KIF13A: variants seen among roughly 807,000 people sequenced by gnomAD.
KIF13A encodes kinesin-like protein KIF13A.
KIF13A carries 79 observed loss-of-function variants against 212.2 expected under a neutral mutation model. The observed-to-expected ratio is 0.37, with a 90% CI of 0.31 to 0.45. The LOEUF (loss-of-function observed/expected upper bound fraction) is 0.45, where lower values mean the gene tolerates loss of function less well. KIF13A is among the 20% of genes least tolerant of loss of function. KIF13A has a pLI of 1.00. For synonymous variants in KIF13A, 789 were observed against 808.6 expected (o/e 0.98, Z 0.41); for missense variants, 1,901 against 2,209.0 (o/e 0.86, Z 2.79).
Position 17,915,148 on chromosome 6 carries a change from C to T in KIF13A, c.147-16968G>A, listed in dbSNP as rs1010292896. Among the ~76,000 whole-genome samples, 19 of 152,314 alleles carry T rather than the reference C, an allele frequency of 1.2e-4. No homozygotes were observed. Among genetic ancestry groups the T allele is most frequent in the Middle Eastern group, 3.4e-3 (1 of 294 alleles). On this transcript the variant is annotated intron_variant, in intron 2 of 38. Coordinates refer to ENST00000259711, the MANE Select transcript of KIF13A (RefSeq NM_022113.6). The surrounding 1 kb of genome is among the most constrained non-coding windows in gnomAD (Gnocchi z 4.4). ...ACATTAGGGAGTCAGAACCAAACTT[C>T]ATGCTCCATGTAATAGCTTCAGGGT...
chr6:17,771,591 A>C lies in KIF13A; in HGVS notation c.4476+317T>G, dbSNP rs1443642475. ...AAAACAAAATCAGAAATCCCCAAAA[A>C]GACAAAAAAGAAAAATAATTTTAAA... On this transcript the variant is annotated intron_variant, in intron 37 of 38. Transcript: ENST00000259711. The surrounding 1 kb of genome is among the most constrained non-coding windows in gnomAD (Gnocchi z 5.4). 9.0e-6 allele frequency: 3 copies of C among 332,356 alleles called. No individual in the cohort carries two copies. The highest frequency in any genetic ancestry group is 4.4e-5 in the Admixed American group (1 of 22,786). 20.6% of individuals were successfully genotyped at this position (332,356 alleles called of 1,614,324 possible).
chr6:17,945,595 A>T (rs1002054333), intron 2 of KIF13A, among the ~76,000 whole-genome samples: 3 of 152,244 alleles, frequency 2.0e-5, no homozygotes, highest in African/African-American at 2.4e-5. Context: ...GTTTTTATGT[A>T]AAATTTTTAT....
intron 18 of KIF13A, among the ~76,000 whole-genome samples, chr6:17,808,341 A>T (rs1403335061): frequency 6.6e-6 from 1 of 152,136 alleles, no homozygotes; most frequent in Non-Finnish European, 1.5e-5. Flanking sequence ...AGCTGAGATC[A>T]TGCCATTGCA....
chr6:17,873,230 T>C (rs1194676471), intron 4 of KIF13A, 147 bp downstream of exon 4: 4 of 555,190 alleles, frequency 7.2e-6, no homozygotes, highest in East Asian at 3.2e-5. Flanking sequence ...CCAAATCTTA[T>C]TGACTTCAAA....
At position 17,975,499 on chromosome 6, in the gene KIF13A, G is replaced by A. The variant is rs146906895; in HGVS notation, c.146+11555C>T. 1.9e-4 allele frequency among the ~76,000 whole-genome samples: 29 copies of A among 152,198 alleles called. 1 individual carries two copies. Among genetic ancestry groups the A allele is most frequent in the East Asian group, 1.7e-3 (9 of 5,180 alleles). On this transcript the variant is annotated intron_variant, in intron 2 of 38. Transcript: ENST00000259711. ...GAGCGTTACAGCTTATAAAGACAAT[G>A]TAGGCCCAAAAAGGGAGCAGCAACA...
At chr6:17,873,253 T>C in intron 4 of KIF13A, 124 bp downstream of exon 4, 1 of 627,636 alleles carries the variant, frequency 1.6e-6, no homozygotes, top group South Asian at 2.2e-5. Flanking sequence ...TCATGTGGTA[T>C]AATTGGAAAG....
In KIF13A at chr6:17,834,239, A is replaced by T. The variant is rs1765722433; in HGVS notation, c.1156-168T>A. Among the ~76,000 whole-genome samples, 1 of 152,260 alleles carries T rather than the reference A, an allele frequency of 6.6e-6. No homozygotes were observed. The highest frequency in any genetic ancestry group is 6.5e-5 in the Admixed American group (1 of 15,280). On this transcript the variant is annotated intron_variant, in intron 11 of 38. Transcript: ENST00000259711. This position sits in a 1 kb window ranked among gnomAD's most constrained non-coding sequence, Gnocchi z 4.0. Reference sequence around the variant, plus strand: ...CCTTTATTAATCAAACGAATGTAAGAGAACATGGCTGTTCCCTGAAAAAGA... The same window carrying T: ...CCTTTATTAATCAAACGAATGTAAGTGAACATGGCTGTTCCCTGAAAAAGA...
rs1404185087 is a variant in KIF13A at position 17,779,041 on chromosome 6, T to C, written c.3998A>G (p.Asn1333Ser). ...CGTCTCCCCATCTGATGTGCCTTCG[T>C]TTTCACTCCTTGCTGCCAGGAGAGC... ...TLALLAARSE[N>S]EGTSDGETYI... The change falls in exon 33 of 39, where the codon AAC becomes AGC. Residue 1333 changes from asparagine (N) to serine (S), a missense_variant. By Grantham distance (46) the Asn-to-Ser change is conservative. This residue lies in a region of KIF13A where 687 missense variants were observed against 759.1 expected (regional missense o/e 0.90). Transcript: ENST00000259711. The C allele has an allele frequency of 1.9e-6, 3 of 1,613,624 alleles. 1 individual carries two copies. The South Asian group carries it at 3.3e-5, about 18-fold the overall frequency.
At chr6:17,949,552 C>T (rs1419798448) in intron 2 of KIF13A, among the ~76,000 whole-genome samples, 3 of 151,846 alleles carry the variant, frequency 2.0e-5, no homozygotes, top group African/African-American at 7.2e-5. Flanking sequence ...AAAGAGGAGA[C>T]AGGAAAGGAA....
rs1561785309 is a variant in KIF13A, at chr6:17,940,833, T to TA, written c.147-42654_147-42653insT. On this transcript the variant is annotated intron_variant, in intron 2 of 38. Coordinates refer to ENST00000259711, the MANE Select transcript of KIF13A (RefSeq NM_022113.6). ...TGTAAATTTATTTTTTTTTTTTTTT[T>TA]TTTTTTTTTTGAGACAGAATTTGGC... Among the ~76,000 whole-genome samples, 38 of 150,844 alleles carry TA rather than the reference T, an allele frequency of 2.5e-4. 1 individual carries two copies. Among genetic ancestry groups the TA allele is most frequent in the African/African-American group, 8.5e-4 (35 of 41,080 alleles).
intron 3 of KIF13A, among the ~76,000 whole-genome samples, chr6:17,887,131 T>TG (rs35270810): frequency 0.57 from 87,199 of 151,796 alleles, 26,711 homozygotes; most frequent in East Asian, 0.76. Context: ...AAGTGACATA[T>TG]GCCAGTCTGG....
At chr6:17,879,261 G>A (rs1340009732) in intron 3 of KIF13A, among the ~76,000 whole-genome samples, 1 of 152,106 alleles carries the variant, frequency 6.6e-6, no homozygotes, top group East Asian at 1.9e-4. Flanking sequence ...GAGCTCCATG[G>A]CAGCAGGAAC....
At chr6:17,946,890 C>A (rs577744085) in intron 2 of KIF13A, among the ~76,000 whole-genome samples, 1 of 152,186 alleles carries the variant, frequency 6.6e-6, no homozygotes, top group South Asian at 2.1e-4. Flanking sequence ...TGCATCAACA[C>A]GGACAAATGA....
rs184865225 is a variant in KIF13A at position 17,820,753 on chromosome 6, C to T, written c.1787-3520G>A. Among the ~76,000 whole-genome samples, 5 of 152,280 alleles carry T rather than the reference C, an allele frequency of 3.3e-5. No individual in the cohort carries two copies. The East Asian group carries it at 9.6e-4, about 29-fold the overall frequency. Reference sequence around the variant, plus strand: ...TACTTTGGGCATAGCACTTTCTCGTCCTCATTAGTTTCTTCTTTACTTAGT... The same window carrying T: ...TACTTTGGGCATAGCACTTTCTCGTTCTCATTAGTTTCTTCTTTACTTAGT... On this transcript the variant is annotated intron_variant, in intron 16 of 38. Coordinates refer to ENST00000259711, the MANE Select transcript of KIF13A (RefSeq NM_022113.6).
intron 16 of KIF13A, among the ~76,000 whole-genome samples, chr6:17,820,757 A>G (rs1295883624): frequency 6.6e-6 from 1 of 152,186 alleles, no homozygotes; most frequent in Admixed American, 6.5e-5. Flanking sequence ...TCTCGTCCTC[A>G]TTAGTTTCTT....
intron 2 of KIF13A, among the ~76,000 whole-genome samples, chr6:17,923,007 C>T (rs1775214189): frequency 6.6e-6 from 1 of 151,762 alleles, no homozygotes; most frequent in Non-Finnish European, 1.5e-5. Context: ...CATGGTGGTT[C>T]ACGCCTCTAA....
Position 17,794,564 on chromosome 6 carries a change from C to T in KIF13A, c.3075+8G>A. 6.3e-7 allele frequency: 1 copy of T among 1,595,834 alleles called. No homozygotes were observed. Among genetic ancestry groups the T allele is most frequent in the Non-Finnish European group, 8.5e-7 (1 of 1,174,538 alleles). On this transcript the variant is annotated splice_region_variant and intron_variant, in intron 24 of 38. Coordinates refer to ENST00000259711, the MANE Select transcript of KIF13A (RefSeq NM_022113.6). The surrounding 1 kb of genome is among the most constrained non-coding windows in gnomAD (Gnocchi z 4.1). ...ACATTAAAAAAAAACCCAAAACAAA[C>T]TCAGTACCTGTCTAAGTTGAAAGAT...
chr6:17,924,897 C>A (rs375885411), intron 2 of KIF13A, among the ~76,000 whole-genome samples: 1 of 152,176 alleles, frequency 6.6e-6, no homozygotes, highest in South Asian at 2.1e-4. Context: ...GTGACAGCAA[C>A]AAATTGCTAC....
Position 17,947,820 on chromosome 6 carries a change from G to T in KIF13A, c.146+39234C>A, listed in dbSNP as rs960422626. 1.3e-5 allele frequency among the ~76,000 whole-genome samples: 2 copies of T among 151,762 alleles called. No individual in the cohort carries two copies. Among genetic ancestry groups the T allele is most frequent in the African/African-American group, 4.8e-5 (2 of 41,294 alleles). ...TGCGCCATTGCGCTCCAGCCTGTGT[G>T]ACAAGAGCAAAACTCTGCTCAAAAA... On this transcript the variant is annotated intron_variant, in intron 2 of 38. Transcript: ENST00000259711. The surrounding 1 kb of genome is among the most constrained non-coding windows in gnomAD (Gnocchi z 4.6).
Sources: gnomAD v4.1 joint callset for allele counts (sites outside exome capture counted in the v4.1 genomes callset) on GRCh38, gnomAD v4.1.1 for gene constraint, gnomAD v4.1.1 regional missense constraint, Gnocchi (gnomAD v3.1) non-coding constraint, MANE v1.5 for transcripts, NCBI Gene and HGNC (gene_info 2026-07-23, HGNC 2026-07-21) for gene names.